Variants in CDH20 observed in about 807,000 individuals in gnomAD.
CDH20 encodes cadherin-20.
Under a neutral mutation model 74.2 loss-of-function variants are expected in CDH20, and 29 were observed. The ratio of observed to expected loss-of-function variants is 0.39; its 90% CI spans 0.29 to 0.53. The LOEUF is 0.53. Ranked by LOEUF, CDH20 falls within the 20% of genes least tolerant of loss-of-function variation. CDH20 has a pLI of 0.69. For missense variants in CDH20, 988 were observed against 1,048.3 expected, an observed-to-expected ratio of 0.94 and a Z score of 0.79; for synonymous variants, 469 against 405.4, an observed-to-expected ratio of 1.16 and a Z score of -1.88.
chr18:61,493,994 T>C (rs1206435239), intron 2 of CDH20, among the ~76,000 whole-genome samples: 1 of 152,158 alleles, frequency 6.6e-6, no homozygotes, highest in Non-Finnish European at 1.5e-5. Flanking sequence ...AGCTCACGTT[T>C]TATTGGACTA....
At chr18:61,359,393 T>C (rs1314867663) in intron 1 of CDH20, among the ~76,000 whole-genome samples, 1 of 148,828 alleles carries the variant, frequency 6.7e-6, no homozygotes, top group Non-Finnish European at 1.5e-5. Flanking sequence ...AAAAAAAAAA[T>C]AAAATAAAAA....
chr18:61,544,553 C>T (rs898558076), intron 9 of CDH20, among the ~76,000 whole-genome samples: 3 of 152,174 alleles, frequency 2.0e-5, no homozygotes, highest in African/African-American at 7.2e-5. Flanking sequence ...AGGTGATCTT[C>T]CCCCGGATTC....
At chr18:61,423,734 C>A (rs898669977) in intron 1 of CDH20, among the ~76,000 whole-genome samples, 2 of 152,164 alleles carry the variant, frequency 1.3e-5, no homozygotes, top group African/African-American at 4.8e-5. Context: ...TTTTTGAACT[C>A]ATTCTATAAA....
intron 6 of CDH20, among the ~76,000 whole-genome samples, chr18:61,515,021 G>T (rs1384870350): frequency 6.6e-6 from 1 of 152,014 alleles, no homozygotes; most frequent in Non-Finnish European, 1.5e-5. Context: ...GCTGTGGTGG[G>T]CTCCACCCAG....
intron 6 of CDH20, among the ~76,000 whole-genome samples, chr18:61,515,148 C>G (rs919417993): frequency 6.6e-6 from 1 of 152,082 alleles, no homozygotes; most frequent in African/African-American, 2.4e-5. Context: ...TAGCAATCAG[C>G]GAGACTCCGT....
intron 1 of CDH20, among the ~76,000 whole-genome samples, chr18:61,372,097 T>C (rs1911063498): frequency 6.6e-6 from 1 of 152,156 alleles, no homozygotes; most frequent in African/African-American, 2.4e-5. Context: ...TCACACAATA[T>C]GTGTGTATGT....
intron 1 of CDH20, among the ~76,000 whole-genome samples, chr18:61,385,588 A>T (rs1423908898): frequency 1.4e-5 from 2 of 140,690 alleles, no homozygotes; most frequent in East Asian, 5.8e-4. Context: ...ATTTGGGGAA[A>T]AAAAACCTTA....
At chr18:61,542,359 G>A (rs893086912) in intron 9 of CDH20, among the ~76,000 whole-genome samples, 3 of 152,174 alleles carry the variant, frequency 2.0e-5, no homozygotes, top group Admixed American at 6.5e-5. Flanking sequence ...GGGGTCTCCA[G>A]GAGGCATACC....
Position 61,503,095 on chromosome 18 carries a change from T to G in CDH20, c.804T>G (p.Asn268Lys). The G allele has an allele frequency of 6.2e-7, 1 of 1,612,246 alleles. No individual in the cohort carries two copies. The highest frequency in any genetic ancestry group is 8.5e-7 in the Non-Finnish European group (1 of 1,179,244). The change falls in exon 5 of 12, where the codon AAT (asparagine) becomes AAG (lysine). Residue 268 changes from asparagine to lysine, a missense_variant. Around this residue, in one of 2 missense-constraint regions of CDH20, gnomAD observed 613 missense variants for 755.2 expected, o/e 0.81. Transcript: ENST00000262717. ...TCAACATCACCCTCTCAGATGTCAA[T>G]GATAACCCACCCCGCTTTCCCCAGA... Reference protein sequence around the residue: ...TTVNITLSDVNDNPPRFPQKH... With the variant: ...TTVNITLSDVKDNPPRFPQKH...
At chr18:61,544,104 G>A (rs773348003) in intron 9 of CDH20, among the ~76,000 whole-genome samples, 1 of 152,210 alleles carries the variant, frequency 6.6e-6, no homozygotes, top group Non-Finnish European at 1.5e-5. Flanking sequence ...AAATCCCAAG[G>A]TGTGTGATGG....
intron 2 of CDH20, among the ~76,000 whole-genome samples, chr18:61,496,517 G>C (rs1012802654): frequency 2.6e-5 from 4 of 151,996 alleles, no homozygotes; most frequent in Admixed American, 2.6e-4. Context: ...CACGGAAAGC[G>C]AAGGCCTCAC....
intron 1 of CDH20, among the ~76,000 whole-genome samples, chr18:61,464,764 AT>A (rs1205435009): frequency 2.6e-5 from 4 of 152,204 alleles, no homozygotes; most frequent in African/African-American, 9.6e-5. Flanking sequence ...AGGAGGAAAC[AT>A]TAGCATCACA....
chr18:61,334,822 T>A (rs1009525443), intron 1 of CDH20, among the ~76,000 whole-genome samples: 1 of 152,156 alleles, frequency 6.6e-6, no homozygotes, highest in Non-Finnish European at 1.5e-5. Context: ...GAGTTTACTA[T>A]GTTGTTGCTA....
intron 1 of CDH20, among the ~76,000 whole-genome samples, chr18:61,397,921 G>A (rs1912037535): frequency 6.6e-6 from 1 of 152,204 alleles, no homozygotes; most frequent in African/African-American, 2.4e-5. Flanking sequence ...AATCGTAAGA[G>A]ATGCAGAAAA....
At chr18:61,378,483 T>A (rs986883214) in intron 1 of CDH20, among the ~76,000 whole-genome samples, 2 of 152,226 alleles carry the variant, frequency 1.3e-5, no homozygotes, top group African/African-American at 4.8e-5. Flanking sequence ...AGATGATGCC[T>A]GCTCGCGTTG....
chr18:61,388,715 T>G, intron 1 of CDH20, among the ~76,000 whole-genome samples: 1 of 152,290 alleles, frequency 6.6e-6, no homozygotes, highest in East Asian at 1.9e-4. Context: ...ATGCGAACAG[T>G]AATACAAGTT....
At chr18:61,480,376 C>T (rs111511129) in intron 1 of CDH20, among the ~76,000 whole-genome samples, 2,692 of 152,204 alleles carry the variant, frequency 0.018, 79 homozygotes, top group African/African-American at 0.058. Flanking sequence ...GAGGTCCTGA[C>T]GACATGTGCC....
In CDH20 at chr18:61,500,452, T is replaced by C. The variant is rs775307745; in HGVS notation, c.611T>C (p.Val204Ala). ...ACCTACGGCAACAGTGCCAGGGTGG[T>C]GTACAGCATTCTTCAGGGCCAGCCA... ...DPTYGNSARVVYSILQGQPYF... is the reference protein window; with the variant it reads ...DPTYGNSARVAYSILQGQPYF... The change falls in exon 4 of 12, where the codon GTG (valine) becomes GCG (alanine). Residue 204 changes from valine to alanine, a missense_variant. Around this residue, in one of 2 missense-constraint regions of CDH20, gnomAD observed 613 missense variants for 755.2 expected, o/e 0.81. Transcript: ENST00000262717. 7 of 1,612,812 alleles carry C rather than the reference T, an allele frequency of 4.3e-6. No homozygotes were observed. Among genetic ancestry groups the C allele is most frequent in the African/African-American group, 1.3e-5 (1 of 74,892 alleles).
At chr18:61,483,970 G>A (rs111584226) in intron 1 of CDH20, among the ~76,000 whole-genome samples, 8 of 152,130 alleles carry the variant, frequency 5.3e-5, no homozygotes, top group African/African-American at 1.4e-4. Context: ...TAAGTCTTAC[G>A]TTTAGGTAGC....
Sources: allele counts gnomAD v4.1 joint callset (sites outside exome capture counted in the v4.1 genomes callset), GRCh38; gene constraint gnomAD v4.1.1; regional missense constraint gnomAD v4.1.1; transcripts MANE v1.5; gene names NCBI Gene and HGNC (gene_info 2026-07-23, HGNC 2026-07-21).